Variants in EDA observed in about 807,000 individuals in gnomAD.
EDA encodes the protein ectodysplasin-A.
EDA carries 2 observed loss-of-function variants against 23.6 expected under a neutral mutation model. That is an observed-to-expected ratio of 0.08 (90% CI 0.03 to 0.27). EDA has a LOEUF of 0.27. Ranked by LOEUF, EDA falls within the 10% of genes least tolerant of loss-of-function variation. The probability of loss-of-function intolerance (pLI) is 1.00; values close to 1 mark genes in which losing one functional copy is unlikely to be tolerated. For missense variants in EDA, 229 were observed against 324.2 expected (o/e 0.71, Z 2.26); for synonymous variants, 131 against 132.0 (o/e 0.99, Z 0.05).
At chrX:69,629,756 A>G (rs1456294000) in intron 1 of EDA, among the ~76,000 whole-genome samples, 1 of 111,254 alleles carries the variant, frequency 9.0e-6, no homozygotes, top group African/African-American at 3.3e-5. Context: ...CCTTCCACAT[A>G]ACAAGTATTC....
At chrX:69,924,091 A>G (rs2018477151) in intron 1 of EDA, among the ~76,000 whole-genome samples, 1 of 111,055 alleles carries the variant, frequency 9.0e-6, no homozygotes, top group South Asian at 3.8e-4. Context: ...GTAGATCGCA[A>G]AAGTTTTCTC....
At chrX:69,734,976 A>C (rs1049287941) in intron 1 of EDA, among the ~76,000 whole-genome samples, 1 of 111,327 alleles carries the variant, frequency 9.0e-6, no homozygotes, top group Non-Finnish European at 1.9e-5. Flanking sequence ...TTCCTCAAAA[A>C]TTTAAAAATA....
intron 1 of EDA, among the ~76,000 whole-genome samples, chrX:69,850,375 A>G (rs1012452765): frequency 2.7e-5 from 3 of 111,895 alleles, no homozygotes; most frequent in African/African-American, 9.7e-5. Context: ...AGCCTCTGTC[A>G]TTTTCTCAAA....
At chrX:69,880,938 C>A (rs2017736105) in intron 1 of EDA, among the ~76,000 whole-genome samples, 1 of 111,733 alleles carries the variant, frequency 8.9e-6, no homozygotes, top group Non-Finnish European at 1.9e-5. Flanking sequence ...TGGTTAAAGC[C>A]CCATCATTGA....
chrX:69,771,652 G>A (rs1262059613), intron 1 of EDA, among the ~76,000 whole-genome samples: 1 of 111,895 alleles, frequency 8.9e-6, no homozygotes, highest in East Asian at 2.8e-4. Flanking sequence ...GTATAACTAA[G>A]AGAATGAATT....
chrX:69,649,562 G>A (rs1377250751), intron 1 of EDA, among the ~76,000 whole-genome samples: 1 of 108,209 alleles, frequency 9.2e-6, no homozygotes, highest in East Asian at 2.9e-4. Flanking sequence ...TATTTCCTTT[G>A]TACCCTTGTA....
intron 1 of EDA, among the ~76,000 whole-genome samples, chrX:69,896,921 A>T (rs1241321067): frequency 8.9e-6 from 1 of 111,987 alleles, no homozygotes; most frequent in African/African-American, 3.2e-5. Flanking sequence ...AAATTTTGAA[A>T]AGAAAAATAT....
chrX:69,903,404 T>TA (rs1364323066), intron 1 of EDA, among the ~76,000 whole-genome samples: 1 of 111,548 alleles, frequency 9.0e-6, no homozygotes, highest in African/African-American at 3.3e-5. Flanking sequence ...AAATGTTTGT[T>TA]AAATGCTTAG....
chrX:69,940,773 C>T (rs944006255), intron 1 of EDA, among the ~76,000 whole-genome samples: 1 of 111,359 alleles, frequency 9.0e-6, no homozygotes, highest in Non-Finnish European at 1.9e-5. Flanking sequence ...ACATTTATCC[C>T]TTGTGTTACA....
chrX:69,639,311 A>G (rs946428552), intron 1 of EDA, among the ~76,000 whole-genome samples: 4 of 111,540 alleles, frequency 3.6e-5, no homozygotes, highest in African/African-American at 1.3e-4. Context: ...TTGTATGGTA[A>G]TTCTACATTT....
intron 1 of EDA, among the ~76,000 whole-genome samples, chrX:69,681,241 G>A (rs1161127953): frequency 9.1e-6 from 1 of 110,325 alleles, no homozygotes; most frequent in South Asian, 3.9e-4. Flanking sequence ...CTTTCTCTCT[G>A]GTTGCCCTTA....
chrX:69,902,080 T>C (rs1048869634), intron 1 of EDA, among the ~76,000 whole-genome samples: 1 of 112,124 alleles, frequency 8.9e-6, no homozygotes, highest in African/African-American at 3.2e-5. Flanking sequence ...AGCTGTAAAA[T>C]TGTGCTCTCA....
chrX:69,724,780 A>G (rs992492884), intron 1 of EDA, among the ~76,000 whole-genome samples: 11 of 112,371 alleles, frequency 9.8e-5, no homozygotes, highest in African/African-American at 3.2e-4. Context: ...GTAACTAGGC[A>G]TTTAATGTAC....
At chrX:69,730,251 A>G (rs1255304282) in intron 1 of EDA, among the ~76,000 whole-genome samples, 1 of 111,852 alleles carries the variant, frequency 8.9e-6, no homozygotes, top group Non-Finnish European at 1.9e-5. Flanking sequence ...GTATCCACAG[A>G]AGTGCTCAGT....
At chrX:69,707,303 C>T (rs1023636573) in intron 1 of EDA, among the ~76,000 whole-genome samples, 1 of 112,057 alleles carries the variant, frequency 8.9e-6, no homozygotes, top group Non-Finnish European at 1.9e-5. Context: ...TTGAAACCTC[C>T]ACCATGGAAA....
At chrX:69,662,000 G>A (rs1368144677) in intron 1 of EDA, among the ~76,000 whole-genome samples, 2 of 110,634 alleles carry the variant, frequency 1.8e-5, no homozygotes, top group East Asian at 5.7e-4. Context: ...TACTTATTTA[G>A]CATGAATCCC....
At chrX:69,774,180 C>T (rs1422663483) in intron 1 of EDA, among the ~76,000 whole-genome samples, 1 of 111,828 alleles carries the variant, frequency 8.9e-6, no homozygotes, top group Non-Finnish European at 1.9e-5. Context: ...ATAATGTTCT[C>T]TCTAATCTTT....
At chrX:69,827,526 C>T (rs2016482135) in intron 1 of EDA, among the ~76,000 whole-genome samples, 1 of 112,051 alleles carries the variant, frequency 8.9e-6, no homozygotes, top group Admixed American at 9.5e-5. Flanking sequence ...TCACATAGTT[C>T]TCGAGCCTTG....
chrX:70,039,132 C>A lies in EDA; in HGVS notation c.*3523C>A, dbSNP rs2020300249. On this transcript the variant is annotated 3_prime_UTR_variant, in exon 8 of 8. Coordinates refer to ENST00000374552, the MANE Select transcript of EDA (RefSeq NM_001399.5). ...GGCCCAGTGCCAGCAAGTCCTTAGG[C>A]TACTGTAATGCTGCCTCAGGACCCA... 8.9e-6 allele frequency: 1 copy of A among 112,794 alleles called. No homozygotes were observed. 9.3% of individuals were successfully genotyped at this position (112,794 alleles called of 1,213,427 possible).
Sources: gnomAD v4.1 joint callset for allele counts (sites outside exome capture counted in the v4.1 genomes callset) on GRCh38, gnomAD v4.1.1 for gene constraint, MANE v1.5 for transcripts, NCBI Gene and HGNC (gene_info 2026-07-23, HGNC 2026-07-21) for gene names.